CHCHD3: variants seen among roughly 807,000 people sequenced by gnomAD.
The protein encoded by CHCHD3 is MICOS complex subunit MIC19.
Under a neutral mutation model 38.2 loss-of-function variants are expected in CHCHD3, and 20 were observed. The observed-to-expected ratio is 0.52, with a 90% confidence interval of 0.37 to 0.76. The LOEUF is 0.76. Among genes scored for constraint, CHCHD3 ranks in the 30% least tolerant of loss-of-function variants. The pLI, the probability that CHCHD3 is intolerant of heterozygous loss-of-function variation, is 0.00. For synonymous variants in CHCHD3, 82 were observed against 100.0 expected (o/e 0.82, Z 1.07); for missense variants, 245 against 279.2 (o/e 0.88, Z 0.87).
rs183487265 is a variant in CHCHD3 at position 132,960,144 on chromosome 7, T to G, written c.369+15025A>C. On this transcript the variant is annotated intron_variant, in intron 4 of 7. Transcript: ENST00000262570. ...ACATATTTTAATCCACCGCATGCAC[T>G]TGTACCATGTCATTTACAAGGACAA... Among the ~76,000 whole-genome samples the G allele has an allele frequency of 1.8e-3, 268 of 152,256 alleles. 4 individuals carry two copies. The highest frequency in any genetic ancestry group is 0.015 in the Admixed American group (222 of 15,300).
intron 6 of CHCHD3, among the ~76,000 whole-genome samples, chr7:132,801,464 T>G (rs1563239262): frequency 6.6e-6 from 1 of 152,344 alleles, no homozygotes; most frequent in Non-Finnish European, 1.5e-5. Context: ...CTGCTTTGTT[T>G]CCATTTGTTT....
At chr7:132,928,696 AAAAATAAAAT>A (rs571012129) in intron 4 of CHCHD3, among the ~76,000 whole-genome samples, 3 of 152,122 alleles carry the variant, frequency 2.0e-5, no homozygotes, top group Non-Finnish European at 4.4e-5. Context: ...GACTCCATCA[AAAAATAAAAT>A]AAAATAAAAT....
chr7:133,004,968 A>G (rs1256733341), intron 3 of CHCHD3, among the ~76,000 whole-genome samples: 2 of 152,092 alleles, frequency 1.3e-5, no homozygotes, highest in East Asian at 3.8e-4. Context: ...TATTTTTGTT[A>G]TTAAAAATAC....
intron 2 of CHCHD3, among the ~76,000 whole-genome samples, chr7:133,031,422 T>C (rs1813499965): frequency 6.6e-6 from 1 of 152,100 alleles, no homozygotes; most frequent in South Asian, 2.1e-4. Flanking sequence ...ATCTGAAATA[T>C]ACATAGATTC....
At chr7:132,924,368 T>TA (rs1035746284) in intron 4 of CHCHD3, among the ~76,000 whole-genome samples, 10 of 152,104 alleles carry the variant, frequency 6.6e-5, no homozygotes, top group East Asian at 3.8e-4. Flanking sequence ...GCAGGGTATT[T>TA]AAAAAAAGCT....
At chr7:133,031,375 C>G (rs1813498552) in intron 2 of CHCHD3, among the ~76,000 whole-genome samples, 2 of 152,044 alleles carry the variant, frequency 1.3e-5, no homozygotes, top group Non-Finnish European at 1.5e-5. Context: ...ATGAACTCAT[C>G]AACCATGAAA....
At chr7:132,978,115 C>A (rs1360207523) in intron 3 of CHCHD3, among the ~76,000 whole-genome samples, 2 of 152,192 alleles carry the variant, frequency 1.3e-5, no homozygotes, top group Middle Eastern at 3.4e-3. Context: ...ATAAACAAGG[C>A]ACTCAGCACA....
At position 133,081,924 on chromosome 7, in the gene CHCHD3, G is replaced by A. The variant is rs867347353; in HGVS notation, c.14C>T (p.Thr5Ile). ...CTCGAAGGTGACCCGGCGGGTGCTG[G>A]TGGTCCCACCCATGATTCCGGTTCC... is the stretch of plus-strand genomic sequence containing the variant. MGGT[T>I]STRRVTFEAD... Residue 5 changes from threonine to isoleucine, a missense_variant, in exon 1 of 8, where the codon ACC becomes ATC. Thr to Ile is a moderately conservative substitution (Grantham distance 89). Transcript: ENST00000262570. The A allele has an allele frequency of 5.1e-6, 8 of 1,554,904 alleles. No individual in the cohort carries two copies. The African/African-American group carries it at 6.8e-5, about 13-fold the overall frequency.
chr7:133,022,418 A>G lies in CHCHD3; in HGVS notation c.251+2128T>C, dbSNP rs537822690. 8.9e-4 allele frequency: 406 copies of G among 456,746 alleles called. 1 individual carries two copies. The highest frequency in any genetic ancestry group is 1.4e-3 in the Admixed American group (58 of 42,584). 28.3% of individuals were successfully genotyped at this position (456,746 alleles called of 1,614,324 possible). A position where few individuals can be genotyped will look rare whatever the true frequency, so the allele number is the denominator to read the frequency against. On this transcript the variant is annotated intron_variant, in intron 3 of 7. Coordinates refer to ENST00000262570, the MANE Select transcript of CHCHD3 (RefSeq NM_017812.4). The stretch of plus-strand genomic sequence containing the variant: ...AGGCAATACATACAATAACGTATAC[A>G]TGTTCTGTGACTCCAAAAAGTTGCT...
chr7:132,989,646 T>C (rs1369641159), intron 3 of CHCHD3, among the ~76,000 whole-genome samples: 2 of 152,222 alleles, frequency 1.3e-5, no homozygotes, highest in African/African-American at 2.4e-5. Flanking sequence ...AATACATTTA[T>C]ATTTGAAAAG....
In CHCHD3 at chr7:132,978,694, G is replaced by A. The variant is rs1236048690; in HGVS notation, c.252-3408C>T. On this transcript the variant is annotated intron_variant, in intron 3 of 7. Coordinates refer to ENST00000262570, the MANE Select transcript of CHCHD3 (RefSeq NM_017812.4). ...CCACCATGTTAGATGTGGCACATCT[G>A]TGATATAATCCCAGGCTACATTAAA... Among the ~76,000 whole-genome samples the A allele has an allele frequency of 1.3e-5, 2 of 152,176 alleles. 1 individual carries two copies. Among genetic ancestry groups the A allele is most frequent in the South Asian group, 4.1e-4 (2 of 4,832 alleles).
At chr7:133,066,285 C>T (rs536308330) in intron 2 of CHCHD3, among the ~76,000 whole-genome samples, 2 of 149,668 alleles carry the variant, frequency 1.3e-5, no homozygotes, top group African/African-American at 4.9e-5. Context: ...GATGGAGTCT[C>T]ACTCTGTTGC....
chr7:132,821,747 C>CTTTTTTTTTT (rs71178063), intron 6 of CHCHD3, among the ~76,000 whole-genome samples: 1 of 100,288 alleles, frequency 1.0e-5, no homozygotes, highest in Non-Finnish European at 1.9e-5. Flanking sequence ...GCACTCAAAT[C>CTTTTTTTTTT]TTTTTTTTTT....
chr7:132,860,316 A>AAAAG (rs1554377219), intron 5 of CHCHD3, among the ~76,000 whole-genome samples: 1 of 134,620 alleles, frequency 7.4e-6, no homozygotes, highest in African/African-American at 2.7e-5. Context: ...GAGAGAGAGA[A>AAAAG]AGAGAGAGAG....
intron 5 of CHCHD3, among the ~76,000 whole-genome samples, chr7:132,855,784 C>T (rs1194159918): frequency 1.3e-5 from 2 of 151,432 alleles, no homozygotes; most frequent in Non-Finnish European, 2.9e-5. Context: ...TTAAACTCTA[C>T]CTAAAAGTTT....
intron 4 of CHCHD3, chr7:132,974,025 C>T (rs1464017043): frequency 3.1e-6 from 4 of 1,284,772 alleles, no homozygotes; most frequent in Non-Finnish European, 3.0e-6. Context: ...CCACTTTTAT[C>T]TATCAAATAA....
chr7:132,991,037 C>T (rs1562931433), intron 3 of CHCHD3, among the ~76,000 whole-genome samples: 1 of 151,574 alleles, frequency 6.6e-6, no homozygotes, highest in South Asian at 2.1e-4. Flanking sequence ...TAAAGCTTAG[C>T]ATGCTCCTCC....
At chr7:132,967,929 C>T (rs1164924833) in intron 4 of CHCHD3, among the ~76,000 whole-genome samples, 1 of 151,946 alleles carries the variant, frequency 6.6e-6, no homozygotes, top group Non-Finnish European at 1.5e-5. Context: ...GGCAAGTTTT[C>T]AGGATACAAG....
intron 3 of CHCHD3, among the ~76,000 whole-genome samples, chr7:133,013,585 T>G (rs1223303133): frequency 6.6e-6 from 1 of 152,208 alleles, no homozygotes; most frequent in Non-Finnish European, 1.5e-5. Context: ...ATATTACTTT[T>G]CTTAGGCAAA....
Sources: gnomAD v4.1 joint callset for allele counts (sites outside exome capture counted in the v4.1 genomes callset) on GRCh38, gnomAD v4.1.1 for gene constraint, MANE v1.5 for transcripts, NCBI Gene and HGNC (gene_info 2026-07-23, HGNC 2026-07-21) for gene names.